ETS1: variants seen among roughly 807,000 people sequenced by gnomAD.
ETS1 encodes ETS proto-oncogene 1, transcription factor.
A neutral mutation model predicts 58.6 loss-of-function variants in ETS1; 15 were observed. The ratio of observed to expected loss-of-function variants is 0.26; its 90% CI spans 0.17 to 0.39. ETS1 has a LOEUF of 0.39. Ranked by LOEUF, ETS1 falls within the 10% of genes least tolerant of loss-of-function variation. ETS1 has a pLI of 1.00. For synonymous variants in ETS1, 214 were observed against 218.2 expected (o/e 0.98, Z 0.17); for missense variants, 417 against 610.5 (o/e 0.68, Z 3.34).
At chr11:128,583,861 G>C (rs925281617) in intron 1 of ETS1, among the ~76,000 whole-genome samples, 12 of 152,064 alleles carry the variant, frequency 7.9e-5, no homozygotes, top group Admixed American at 4.6e-4. Context: ...TTGATTACTG[G>C]AATATGAAAT....
At chr11:128,559,292 G>A (rs1425811291) in intron 2 of ETS1, among the ~76,000 whole-genome samples, 1 of 152,228 alleles carries the variant, frequency 6.6e-6, no homozygotes, top group Non-Finnish European at 1.5e-5. Flanking sequence ...GCAGAGGACA[G>A]AGAAGGTAGA....
intron 3 of ETS1, among the ~76,000 whole-genome samples, chr11:128,534,378 A>T (rs1397730467): frequency 6.6e-6 from 1 of 152,148 alleles, no homozygotes; most frequent in East Asian, 1.9e-4. Flanking sequence ...ATGCTCATAG[A>T]CCTCAAAATT....
intron 3 of ETS1, 126 bp downstream of exon 3, chr11:128,556,165 T>G: frequency 5.0e-6 from 4 of 806,436 alleles, no homozygotes; most frequent in Non-Finnish European, 5.7e-6. Flanking sequence ...GACTTTCCAT[T>G]CAAGAACAAT....
At chr11:128,504,320 T>C (rs889025030) in intron 3 of ETS1, among the ~76,000 whole-genome samples, 7 of 152,226 alleles carry the variant, frequency 4.6e-5, no homozygotes, top group African/African-American at 1.7e-4. Flanking sequence ...GTTCACACAT[T>C]TCCCTGCCTC....
chr11:128,503,070 C>T (rs1301669115), intron 3 of ETS1, among the ~76,000 whole-genome samples: 1 of 152,212 alleles, frequency 6.6e-6, no homozygotes, highest in East Asian at 1.9e-4. Context: ...TGAGCAGTAA[C>T]TTCAGATTTC....
chr11:128,489,248 A>G, intron 5 of ETS1, 42 bp downstream of exon 5: 2 of 1,575,704 alleles, frequency 1.3e-6, no homozygotes, highest in Non-Finnish European at 1.7e-6. Flanking sequence ...TCTCACAGCA[A>G]CCCCACATAA....
chr11:128,517,192 A>C (rs1326269111), intron 3 of ETS1, among the ~76,000 whole-genome samples: 1 of 152,164 alleles, frequency 6.6e-6, no homozygotes, highest in East Asian at 1.9e-4. Context: ...AGGCCACCTG[A>C]TTCAGCTCAG....
At chr11:128,523,903 C>T (rs74693433) in intron 3 of ETS1, among the ~76,000 whole-genome samples, 4 of 150,030 alleles carry the variant, frequency 2.7e-5, no homozygotes, top group African/African-American at 9.7e-5. Context: ...TACATTTACA[C>T]GTCCAAATGA....
At chr11:128,523,349 TAGAG>T (rs1234762730) in intron 3 of ETS1, among the ~76,000 whole-genome samples, 1 of 152,236 alleles carries the variant, frequency 6.6e-6, no homozygotes, top group Non-Finnish European at 1.5e-5. Flanking sequence ...TTGGTTGTAA[TAGAG>T]ATAGTTTGTC....
At chr11:128,553,962 TTC>T (rs759808767) in intron 3 of ETS1, among the ~76,000 whole-genome samples, 4 of 152,236 alleles carry the variant, frequency 2.6e-5, no homozygotes, top group South Asian at 2.1e-4. Context: ...CGAGTATTTT[TTC>T]TCTTTCTTTA....
chr11:128,562,704 C>A (rs994640338), intron 2 of ETS1, among the ~76,000 whole-genome samples: 2 of 152,182 alleles, frequency 1.3e-5, no homozygotes, highest in Non-Finnish European at 2.9e-5. Context: ...GGTGAGCCAG[C>A]CCTAAAGCCA....
At chr11:128,474,701 G>A (rs565958808) in intron 8 of ETS1, among the ~76,000 whole-genome samples, 22 of 152,266 alleles carry the variant, frequency 1.4e-4, no homozygotes, top group African/African-American at 4.3e-4. Flanking sequence ...ACCCAGCACC[G>A]TGAATGGAAT....
At chr11:128,548,428 C>T (rs1409979033) in intron 3 of ETS1, among the ~76,000 whole-genome samples, 4 of 151,870 alleles carry the variant, frequency 2.6e-5, no homozygotes, top group Non-Finnish European at 5.9e-5. Flanking sequence ...TTCAGTGATT[C>T]GTCCAGGGTT....
chr11:128,540,482 G>A (rs1488903409), intron 3 of ETS1, among the ~76,000 whole-genome samples: 3 of 151,806 alleles, frequency 2.0e-5, no homozygotes, highest in South Asian at 2.1e-4. Context: ...TCAATAAACC[G>A]TTTAAAAAAA....
Position 128,464,734 on chromosome 11 carries a change from C to T in ETS1, c.1124-1107G>A, listed in dbSNP as rs1434952351. 6.6e-6 allele frequency among the ~76,000 whole-genome samples: 1 copy of T among 152,132 alleles called. No homozygotes were observed. Among genetic ancestry groups the T allele is most frequent in the Non-Finnish European group, 1.5e-5 (1 of 68,018 alleles). ...ACCGGAGTTGCAAATTTGTCTGATC[C>T]AAAGTAAACTGAGATTTAACAGGAA... On this transcript the variant is annotated intron_variant, in intron 8 of 9. Coordinates refer to ENST00000392668, the MANE Select transcript of ETS1 (RefSeq NM_001143820.2). The surrounding 1 kb of genome is among the most constrained non-coding windows in gnomAD (Gnocchi z 4.1).
chr11:128,492,481 C>T (rs532205134), intron 3 of ETS1, among the ~76,000 whole-genome samples: 4 of 152,098 alleles, frequency 2.6e-5, no homozygotes, highest in East Asian at 1.9e-4. Context: ...TTGCCAATGA[C>T]GAGGAATCTG....
chr11:128,484,223 C>T (rs968057592), intron 7 of ETS1, among the ~76,000 whole-genome samples: 4 of 152,184 alleles, frequency 2.6e-5, no homozygotes, highest in African/African-American at 9.7e-5. Flanking sequence ...TGGCCACCTC[C>T]GTCCCTGGTC....
rs141065992 is a variant in ETS1 at position 128,538,755 on chromosome 11, T to TACAC, written c.214+17532_214+17535dup. Among the ~76,000 whole-genome samples the TACAC allele has an allele frequency of 6.9e-3, 1,007 of 144,956 alleles. 8 individuals are homozygous for TACAC. The highest frequency in any genetic ancestry group is 0.018 in the African/African-American group (729 of 40,032). On this transcript the variant is annotated intron_variant, in intron 3 of 9. Coordinates refer to ENST00000392668, the MANE Select transcript of ETS1 (RefSeq NM_001143820.2). ...ACACACACACACACACATACACACATACACACACACACACACACACACACA... is the reference window on the plus strand; with the variant it reads ...ACACACACACACACACATACACACATACACACACACACACACACACACACACACA...
chr11:128,528,312 A>G (rs778853240), intron 3 of ETS1, among the ~76,000 whole-genome samples: 22 of 152,218 alleles, frequency 1.4e-4, no homozygotes, highest in Non-Finnish European at 2.4e-4. Flanking sequence ...CCAGGATAGA[A>G]TGGAGGTGAA....
Sources: gnomAD v4.1 joint callset for allele counts (sites outside exome capture counted in the v4.1 genomes callset) on GRCh38, gnomAD v4.1.1 for gene constraint, Gnocchi (gnomAD v3.1) non-coding constraint, MANE v1.5 for transcripts, NCBI Gene and HGNC (gene_info 2026-07-23, HGNC 2026-07-21) for gene names.